The following FRYL variants were observed in gnomAD, a reference collection of about 807,000 sequenced individuals.
FRYL encodes the protein protein furry homolog-like.
A neutral mutation model predicts 351.2 loss-of-function variants in FRYL; 150 were observed. The observed-to-expected ratio is 0.43, with a 90% CI of 0.37 to 0.49. The LOEUF (loss-of-function observed/expected upper bound fraction) is 0.49, where lower values mean the gene tolerates loss of function less well. Among genes scored for constraint, FRYL ranks in the 20% least tolerant of loss-of-function variants. The probability of loss-of-function intolerance (pLI) is 0.00; values close to 1 mark genes in which losing one functional copy is unlikely to be tolerated. For synonymous variants in FRYL, 1,153 were observed against 1,257.1 expected, an observed-to-expected ratio of 0.92 and a Z score of 1.75; for missense variants, 3,036 against 3,619.3, an observed-to-expected ratio of 0.84 and a Z score of 4.13.
At chr4:48,559,678 G>A in intron 33 of FRYL, among the ~76,000 whole-genome samples, 1 of 118,192 alleles carries the variant, frequency 8.5e-6, no homozygotes. Flanking sequence ...GAGGAAGAGG[G>A]GGAGGGGGAT....
At chr4:48,732,633 G>C (rs1031621909) in intron 1 of FRYL, among the ~76,000 whole-genome samples, 7 of 152,054 alleles carry the variant, frequency 4.6e-5, no homozygotes, top group Non-Finnish European at 8.8e-5. Flanking sequence ...GCAGGGACAT[G>C]GATGAAGCTG....
chr4:48,555,456 T>C (rs1424120447), intron 35 of FRYL, among the ~76,000 whole-genome samples: 2 of 152,132 alleles, frequency 1.3e-5, no homozygotes, highest in Admixed American at 1.3e-4. Context: ...AAATGGAGTG[T>C]GTGTGTGGAG....
intron 1 of FRYL, among the ~76,000 whole-genome samples, chr4:48,766,389 G>A (rs1774952308): frequency 6.6e-6 from 1 of 152,104 alleles, no homozygotes; most frequent in Non-Finnish European, 1.5e-5. Context: ...CAGATTCCAG[G>A]CCCCAGGAAT....
At chr4:48,602,308 G>T (rs980686817) in intron 12 of FRYL, among the ~76,000 whole-genome samples, 187 bp from the exon 13 acceptor site, 2 of 151,952 alleles carry the variant, frequency 1.3e-5, no homozygotes, top group Non-Finnish European at 2.9e-5. Flanking sequence ...AATTTTCTAC[G>T]AGGAAAATTC....
chr4:48,703,551 A>T (rs1263955268), intron 2 of FRYL, among the ~76,000 whole-genome samples: 1 of 152,116 alleles, frequency 6.6e-6, no homozygotes, highest in Non-Finnish European at 1.5e-5. Context: ...CTGCCTCAGG[A>T]TCCTTTTACA....
chr4:48,681,951 G>C (rs940866181), intron 3 of FRYL, among the ~76,000 whole-genome samples: 1 of 152,138 alleles, frequency 6.6e-6, no homozygotes, highest in Non-Finnish European at 1.5e-5. Flanking sequence ...TATAACAAGA[G>C]AGTACAATAA....
At chr4:48,611,900 A>G (rs1353420040) in intron 7 of FRYL, among the ~76,000 whole-genome samples, 1 of 152,196 alleles carries the variant, frequency 6.6e-6, no homozygotes, top group African/African-American at 2.4e-5. Context: ...AAAATACCAA[A>G]TAGTAGAGAG....
At chr4:48,557,947 T>C (rs1578109425) in intron 33 of FRYL, among the ~76,000 whole-genome samples, 1 of 152,208 alleles carries the variant, frequency 6.6e-6, no homozygotes, top group African/African-American at 2.4e-5. Context: ...AAATAAATGT[T>C]TGTGCACTGT....
intron 1 of FRYL, among the ~76,000 whole-genome samples, chr4:48,756,974 C>A (rs17576077): frequency 1.3e-5 from 2 of 151,984 alleles, no homozygotes; most frequent in Non-Finnish European, 2.9e-5. Flanking sequence ...CTGATACCTC[C>A]GAAGACATTT....
At chr4:48,583,444 C>T (rs1322237405) in intron 19 of FRYL, among the ~76,000 whole-genome samples, 1 of 152,118 alleles carries the variant, frequency 6.6e-6, no homozygotes, top group Admixed American at 6.5e-5. Flanking sequence ...AGCCACCACT[C>T]AATTATTCTT....
chr4:48,573,116 T>G, intron 26 of FRYL, 70 bp downstream of exon 26: 1 of 1,186,142 alleles, frequency 8.4e-7, no homozygotes, highest in Non-Finnish European at 1.2e-6. Context: ...ATTTCTAACT[T>G]TTGATATAAC....
chr4:48,765,313 A>G (rs534310023), intron 1 of FRYL, among the ~76,000 whole-genome samples: 29 of 152,214 alleles, frequency 1.9e-4, no homozygotes, highest in Non-Finnish European at 4.0e-4. Flanking sequence ...GATAGAGACC[A>G]ATAGAACAAA....
rs537787842 is a variant in FRYL, at chr4:48,682,201, A to G, written c.-81+2472T>C. ...GCTCAACATGAAGAAAATGATTTGC[A>G]TAGTATTTCAAAAGATGAACCACAA... On this transcript the variant is annotated intron_variant, in intron 3 of 63. Transcript: ENST00000358350. 5.9e-5 allele frequency among the ~76,000 whole-genome samples: 9 copies of G among 152,346 alleles called. No homozygotes were observed. In the East Asian group the frequency reaches 1.7e-3, roughly 29 times the overall value.
chr4:48,570,855 G>C lies in FRYL; in HGVS notation c.2968C>G (p.Leu990Val). The C allele has an allele frequency of 6.2e-7, 1 of 1,613,562 alleles. No homozygotes were observed. The highest frequency in any genetic ancestry group is 8.5e-7 in the Non-Finnish European group (1 of 1,179,494). The change falls in exon 27 of 64, where the codon CTG becomes GTG. Residue 990 changes from leucine to valine, a missense_variant. Leu to Val is a conservative substitution (Grantham distance 32, BLOSUM62 1). Coordinates refer to ENST00000358350, the MANE Select transcript of FRYL (RefSeq NM_015030.2). The part of the protein sequence containing the change: ...RVQLVRIFEL[L>V]ADAGVISHSA... ...TGACTAATGACACCAGCATCTGCCA[G>C]CAGTTCAAATATTCGTACCAGTTGT... is the stretch of plus-strand genomic sequence containing the variant.
chr4:48,718,231 A>T (rs1320515869), intron 1 of FRYL, among the ~76,000 whole-genome samples: 1 of 151,664 alleles, frequency 6.6e-6, no homozygotes. Flanking sequence ...ATTACATCAA[A>T]AATGAGTGCA....
chr4:48,720,300 A>G (rs1208790380), intron 1 of FRYL, among the ~76,000 whole-genome samples: 3 of 152,052 alleles, frequency 2.0e-5, no homozygotes, highest in Non-Finnish European at 2.9e-5. Flanking sequence ...GTTCAAGACT[A>G]GCCTGGCCAA....
chr4:48,627,530 G>C (rs1365433129), intron 4 of FRYL, among the ~76,000 whole-genome samples: 1 of 152,054 alleles, frequency 6.6e-6, no homozygotes, highest in Non-Finnish European at 1.5e-5. Flanking sequence ...CATCCTCACA[G>C]AGCTTTTCCT....
intron 1 of FRYL, among the ~76,000 whole-genome samples, chr4:48,720,002 T>C (rs1321326063): frequency 6.7e-6 from 1 of 150,322 alleles, no homozygotes; most frequent in East Asian, 2.0e-4. Flanking sequence ...ATACAAAAAT[T>C]AGCTGGGTGT....
chr4:48,548,054 G>GC (rs1429215805), intron 40 of FRYL, among the ~76,000 whole-genome samples: 10 of 151,824 alleles, frequency 6.6e-5, no homozygotes, highest in African/African-American at 2.4e-4. Context: ...TCATGGAAAT[G>GC]AATTTTTTTT....
Sources: gnomAD v4.1 joint callset for allele counts (sites outside exome capture counted in the v4.1 genomes callset) on GRCh38, gnomAD v4.1.1 for gene constraint, MANE v1.5 for transcripts, NCBI Gene and HGNC (gene_info 2026-07-23, HGNC 2026-07-21) for gene names.